The following PATJ variants were observed in gnomAD, a reference collection of about 807,000 sequenced individuals.
PATJ encodes inaD-like protein.
A neutral mutation model predicts 224.9 loss-of-function variants in PATJ; 190 were observed. That is an observed-to-expected ratio of 0.84 (90% confidence interval 0.75 to 0.95). The LOEUF is 0.95. PATJ is among the 40% of genes least tolerant of loss of function. PATJ has a pLI of 0.00. For synonymous variants in PATJ, 769 were observed against 820.3 expected (o/e 0.94, Z 1.07); for missense variants, 2,121 against 2,270.3 (o/e 0.93, Z 1.34).
At chr1:61,808,720 A>G (rs988235904) in intron 14 of PATJ, among the ~76,000 whole-genome samples, 190 bp downstream of exon 14, 4 of 152,134 alleles carry the variant, frequency 2.6e-5, no homozygotes. Context: ...AACTTTCTTT[A>G]AATTCTTGCT....
At position 62,148,394 on chromosome 1, in the gene PATJ, AG is replaced by A; in HGVS notation, c.5378+5del. On this transcript the variant is annotated splice_donor_5th_base_variant and intron_variant, in intron 42 of 43. Transcript: ENST00000642238. ...AACACCATCCAGAAGACACAGAGTG[AG>A]TATTTCAGATGCAGAGGGCCTATTA... 6.3e-7 allele frequency: 1 copy of A among 1,598,714 alleles called. No individual in the cohort carries two copies. Among genetic ancestry groups the A allele is most frequent in the African/African-American group, 1.3e-5 (1 of 74,772 alleles).
chr1:61,987,431 C>T (rs1356496687), intron 27 of PATJ, among the ~76,000 whole-genome samples: 1 of 151,898 alleles, frequency 6.6e-6, no homozygotes, highest in East Asian at 1.9e-4. Flanking sequence ...TTATTACTTT[C>T]TGAGAGAGGT....
At chr1:61,975,651 G>A (rs1644088378) in intron 27 of PATJ, among the ~76,000 whole-genome samples, 1 of 151,868 alleles carries the variant, frequency 6.6e-6, no homozygotes, top group African/African-American at 2.4e-5. Flanking sequence ...TCCCACTGTC[G>A]AGTGGTAATT....
intron 14 of PATJ, among the ~76,000 whole-genome samples, chr1:61,811,209 A>G (rs1022159424): frequency 6.6e-6 from 1 of 152,186 alleles, no homozygotes; most frequent in Non-Finnish European, 1.5e-5. Context: ...TAATATGCCT[A>G]GAATAGTTGC....
intron 6 of PATJ, among the ~76,000 whole-genome samples, chr1:61,773,503 A>G (rs1352035313): frequency 2.7e-5 from 4 of 150,354 alleles, no homozygotes; most frequent in African/African-American, 7.3e-5. Flanking sequence ...CCCCACCTCT[A>G]TGGCCAGGCA....
chr1:62,040,847 C>T (rs1436433193), intron 30 of PATJ, among the ~76,000 whole-genome samples: 1 of 152,088 alleles, frequency 6.6e-6, no homozygotes, highest in Non-Finnish European at 1.5e-5. Flanking sequence ...AGAAAAATAA[C>T]TTTTTTCTTC....
intron 7 of PATJ, among the ~76,000 whole-genome samples, chr1:61,777,171 C>T (rs1467175995): frequency 6.6e-6 from 1 of 152,178 alleles, no homozygotes; most frequent in Admixed American, 6.5e-5. Flanking sequence ...AAACAACTGA[C>T]ACTGTTTGTT....
intron 25 of PATJ, among the ~76,000 whole-genome samples, chr1:61,913,140 G>A (rs1452982114): frequency 1.3e-5 from 2 of 152,070 alleles, no homozygotes; most frequent in East Asian, 1.9e-4. Context: ...GCATTTAGGG[G>A]AAAATGGGCT....
Position 61,869,162 on chromosome 1 carries a change from AG to A in PATJ, c.2835+4530del, listed in dbSNP as rs1041357555. Among the ~76,000 whole-genome samples the A allele has an allele frequency of 3.7e-4, 50 of 134,128 alleles. 1 individual carries two copies. Among genetic ancestry groups the A allele is most frequent in the Admixed American group, 8.5e-4 (11 of 12,894 alleles). 88.0% of individuals were successfully genotyped at this position (134,128 alleles called of 152,430 possible). A position where few individuals can be genotyped will look rare whatever the true frequency, so the allele number is the denominator to read the frequency against. ...CGCTCTGTCGCCCAGGCTGGAGTGC[AG>A]TGGCGCCATCTCGGCTCACTGCAAG... is the stretch of plus-strand genomic sequence containing the variant. On this transcript the variant is annotated intron_variant, in intron 20 of 43. Transcript: ENST00000642238.
intron 14 of PATJ, among the ~76,000 whole-genome samples, chr1:61,820,523 G>A (rs1175985378): frequency 6.6e-6 from 1 of 151,862 alleles, no homozygotes; most frequent in Non-Finnish European, 1.5e-5. Context: ...TGTATTTTTA[G>A]TAGAGATGGG....
intron 7 of PATJ, among the ~76,000 whole-genome samples, chr1:61,780,032 A>G (rs1158467727): frequency 6.6e-6 from 1 of 152,126 alleles, no homozygotes; most frequent in Admixed American, 6.5e-5. Flanking sequence ...CACCCCCATG[A>G]CCCAAACACC....
chr1:62,046,531 T>C (rs995714559), intron 30 of PATJ, among the ~76,000 whole-genome samples: 2 of 152,234 alleles, frequency 1.3e-5, no homozygotes, highest in South Asian at 2.1e-4. Context: ...AAAAAGAGTA[T>C]GGAATTTGAA....
chr1:61,952,511 T>C lies in PATJ; in HGVS notation c.3670+24682T>C, dbSNP rs59792184. ...AATGTGGTTTTAAAGGTTTAGACAATGGTAAGCCAAGGCATTTTTCTTAAG... is the reference window on the plus strand; with the variant it reads ...AATGTGGTTTTAAAGGTTTAGACAACGGTAAGCCAAGGCATTTTTCTTAAG... On this transcript the variant is annotated intron_variant, in intron 27 of 43. Coordinates refer to ENST00000642238, the MANE Select transcript of PATJ (RefSeq NM_001350145.3). 1.9e-4 allele frequency: 129 copies of C among 691,456 alleles called. No homozygotes were observed. In the African/African-American group the frequency reaches 1.9e-3, roughly 10 times the overall value. 42.8% of individuals were successfully genotyped at this position (691,456 alleles called of 1,614,324 possible).
chr1:62,046,248 G>GGGAC (rs1652546296), intron 30 of PATJ, among the ~76,000 whole-genome samples: 1 of 146,514 alleles, frequency 6.8e-6, no homozygotes, highest in Non-Finnish European at 1.5e-5. Context: ...GAGGGAGGGA[G>GGGAC]GGAGGGAGGG....
rs1052959495 is a variant in PATJ, at chr1:61,908,478, C to T, written c.3488C>T (p.Pro1163Leu). Residue 1163 changes from proline (P) to leucine (L), a missense_variant, in exon 25 of 44, where the codon CCA (proline) becomes CTA (leucine). Pro to Leu is a moderately conservative substitution (Grantham distance 98, BLOSUM62 -3). Coordinates refer to ENST00000642238, the MANE Select transcript of PATJ (RefSeq NM_001350145.3). ...ATTGTTCAGAGTTTGTCATCCACTCCACGAGTAAGTTTTAGTTCATATTTT... is the reference window on the plus strand; with the variant it reads ...ATTGTTCAGAGTTTGTCATCCACTCTACGAGTAAGTTTTAGTTCATATTTT... The part of the protein sequence containing the change: ...VFIVQSLSST[P>L]RVIPNVHNKA... 2.5e-6 allele frequency: 4 copies of T among 1,604,288 alleles called. No homozygotes were observed. In the African/African-American group the frequency reaches 4.0e-5, roughly 16 times the overall value.
At chr1:62,134,731 G>T (rs1367583582) in intron 41 of PATJ, among the ~76,000 whole-genome samples, 1 of 152,138 alleles carries the variant, frequency 6.6e-6, no homozygotes, top group African/African-American at 2.4e-5. Flanking sequence ...TGTCCTTCCA[G>T]ACCATGGTTC....
At chr1:62,023,764 A>G (rs1231378850) in intron 29 of PATJ, among the ~76,000 whole-genome samples, 1 of 152,232 alleles carries the variant, frequency 6.6e-6, no homozygotes, top group Non-Finnish European at 1.5e-5. Context: ...GGAAAGTATC[A>G]TTGAGTAAGT....
At chr1:62,014,812 C>A (rs2148356978) in intron 28 of PATJ, among the ~76,000 whole-genome samples, 1 of 152,170 alleles carries the variant, frequency 6.6e-6, no homozygotes, top group South Asian at 2.1e-4. Context: ...GGCAATCCAC[C>A]AGCCTCAGCC....
intron 28 of PATJ, among the ~76,000 whole-genome samples, chr1:62,014,562 C>CTTTTTTTTTTTTTTT (rs35711547): frequency 2.4e-5 from 2 of 84,518 alleles, no homozygotes; most frequent in African/African-American, 9.3e-5. Context: ...CTTTTCTTTC[C>CTTTTTTTTTTTTTTT]TTTTTTTTTT....
Sources: allele counts gnomAD v4.1 joint callset (sites outside exome capture counted in the v4.1 genomes callset), GRCh38; gene constraint gnomAD v4.1.1; transcripts MANE v1.5; gene names NCBI Gene and HGNC (gene_info 2026-07-23, HGNC 2026-07-21).